The following CDH3 variants were observed in gnomAD, a reference collection of about 807,000 sequenced individuals.
CDH3 encodes the protein cadherin 3.
A neutral mutation model predicts 82.0 loss-of-function variants in CDH3; 54 were observed. That is an observed-to-expected ratio of 0.66 (90% confidence interval 0.53 to 0.83). CDH3 has a LOEUF of 0.83. CDH3 is among the 40% of genes least tolerant of loss of function. CDH3 has a pLI of 0.00. For missense variants in CDH3, 1,054 were observed against 1,084.6 expected, an observed-to-expected ratio of 0.97 and a Z score of 0.40; for synonymous variants, 446 against 437.9, an observed-to-expected ratio of 1.02 and a Z score of -0.23.
downstream of CDH3, among the ~76,000 whole-genome samples, chr16:68,729,126 G>A (rs994802583): frequency 6.6e-6 from 1 of 152,128 alleles, no homozygotes; most frequent in Non-Finnish European, 1.5e-5. Flanking sequence ...CCAACATGAT[G>A]AAACCCCGTC....
chr16:68,713,212 AT>A (rs1191166065), intron 1 of CDH3, among the ~76,000 whole-genome samples: 1 of 152,174 alleles, frequency 6.6e-6, no homozygotes, highest in Non-Finnish European at 1.5e-5. Context: ...AGGAAAAACA[AT>A]AAAATTAAGT....
At chr16:68,650,987 AGACAGGGAGACGATGT>A (rs1960226534) in intron 2 of CDH3, 2 of 265,950 alleles carry the variant, frequency 7.5e-6, no homozygotes, top group South Asian at 1.3e-4. Context: ...ACCAAAACCC[AGACAGGGAGACGATGT>A]GGGGAGAGAG....
downstream of CDH3, among the ~76,000 whole-genome samples, chr16:68,730,087 G>T (rs1962267791): frequency 4.0e-5 from 6 of 151,884 alleles, no homozygotes; most frequent in Admixed American, 3.9e-4. Flanking sequence ...ACAAAAATTA[G>T]CTGGGCTTGG....
At chr16:68,704,597 G>C (rs1359365061), downstream of CDH3, among the ~76,000 whole-genome samples, 2 of 152,266 alleles carry the variant, frequency 1.3e-5, no homozygotes, top group Admixed American at 1.3e-4. Flanking sequence ...GGGAGGGAGG[G>C]AGAGAGGAAG....
intron 2 of CDH3, among the ~76,000 whole-genome samples, chr16:68,667,446 A>C (rs1177916523): frequency 6.6e-6 from 1 of 152,208 alleles, no homozygotes. Flanking sequence ...GAGAGTGATC[A>C]CTTGATGGAC....
chr16:68,696,128 T>G (rs1961715375), intron 15 of CDH3: 1 of 647,204 alleles, frequency 1.5e-6, no homozygotes. Context: ...TGGTTAAAAA[T>G]GATTAGGAGG....
chr16:68,653,601 C>T (rs1029890626), intron 2 of CDH3, among the ~76,000 whole-genome samples: 4 of 152,050 alleles, frequency 2.6e-5, no homozygotes, highest in Admixed American at 1.3e-4. Context: ...GCTTCCCTTT[C>T]TTTGTCCTTA....
intron 2 of CDH3, among the ~76,000 whole-genome samples, chr16:68,660,275 C>T (rs1371483607): frequency 6.6e-6 from 1 of 152,178 alleles, no homozygotes; most frequent in Non-Finnish European, 1.5e-5. Context: ...TTCATACTAA[C>T]TTTTGTTTTA....
rs1427266643 is a variant in CDH3 at position 68,671,177 on chromosome 16, G to T, written c.161-5208G>T. Among the ~76,000 whole-genome samples the T allele has an allele frequency of 2.1e-5, 3 of 145,980 alleles. No homozygotes were observed. The Admixed American group carries it at 2.1e-4, about 10-fold the overall frequency. On this transcript the variant is annotated intron_variant, in intron 2 of 15. Coordinates refer to ENST00000264012, the MANE Select transcript of CDH3 (RefSeq NM_001793.6). The stretch of plus-strand genomic sequence containing the variant: ...GTACTTTTTTTTTTTTTTTTTAAGA[G>T]ACAGGGTCTAGCTATATTGGCCAGG...
At chr16:68,662,409 G>A (rs189815412) in intron 2 of CDH3, among the ~76,000 whole-genome samples, 9 of 152,270 alleles carry the variant, frequency 5.9e-5, no homozygotes, top group Admixed American at 1.3e-4. Flanking sequence ...AGTGCATGAT[G>A]ACTGCATTTG....
chr16:68,652,558 A>C (rs1428100284), intron 2 of CDH3, among the ~76,000 whole-genome samples: 1 of 152,216 alleles, frequency 6.6e-6, no homozygotes, highest in Non-Finnish European at 1.5e-5. Context: ...AACAGTCTCC[A>C]TTCAGAGACT....
intron 1 of CDH3, 45 bp from the exon 2 acceptor site, chr16:68,645,591 G>A: frequency 6.6e-7 from 1 of 1,504,926 alleles, no homozygotes; most frequent in Non-Finnish European, 9.0e-7. Context: ...GCAGGGCCGG[G>A]CACGCCTGGA....
chr16:68,645,945 G>C, intron 2 of CDH3, 195 bp downstream of exon 2: 2 of 594,010 alleles, frequency 3.4e-6, no homozygotes, highest in Non-Finnish European at 6.0e-6. Flanking sequence ...GAGCGCCTAT[G>C]ACATCCAGCC....
rs1961868626 is a variant in CDH3, at chr16:68,700,161, C to T, written c.*1761C>T. The T allele has an allele frequency of 6.6e-6, 1 of 152,192 alleles. No homozygotes were observed. The highest frequency in any genetic ancestry group is 2.4e-5 in the African/African-American group (1 of 41,448). 9.4% of individuals were successfully genotyped at this position (152,192 alleles called of 1,614,324 possible). On this transcript the variant is annotated 3_prime_UTR_variant, in exon 16 of 16. Coordinates refer to ENST00000264012, the MANE Select transcript of CDH3 (RefSeq NM_001793.6). ...CATAAATGCAGGAATCAGGAATAGGCAGCAGTGATAGAACAATTCTGTTTG... is the reference window on the plus strand; with the variant it reads ...CATAAATGCAGGAATCAGGAATAGGTAGCAGTGATAGAACAATTCTGTTTG...
intron 2 of CDH3, among the ~76,000 whole-genome samples, chr16:68,669,609 G>T (rs112922764): frequency 0.01 from 1,508 of 143,912 alleles, 20 homozygotes; most frequent in South Asian, 0.065. Context: ...AGCTCCTGGT[G>T]GGGTGGCGGG....
rs538999431 is a variant in CDH3, at chr16:68,698,800, A to C, written c.*400A>C. ...AATTTTTTTTTTTAATGCTATCTTCAAAACGTTAGAGAAAGTTCTTCAAAA... is the reference window on the plus strand; with the variant it reads ...AATTTTTTTTTTTAATGCTATCTTCCAAACGTTAGAGAAAGTTCTTCAAAA... On this transcript the variant is annotated 3_prime_UTR_variant, in exon 16 of 16. Transcript: ENST00000264012. 2 of 197,776 alleles carry C rather than the reference A, an allele frequency of 1.0e-5. No individual in the cohort carries two copies. Among genetic ancestry groups the C allele is most frequent in the Non-Finnish European group, 2.1e-5 (2 of 96,558 alleles). The allele number at this position is 197,776 out of a possible 1,614,324, so 12.3% of individuals were successfully genotyped here.
chr16:68,649,595 C>T (rs952752680), intron 2 of CDH3, among the ~76,000 whole-genome samples: 3 of 152,148 alleles, frequency 2.0e-5, no homozygotes, highest in East Asian at 1.9e-4. Flanking sequence ...GGTCCACAGT[C>T]GGTGTTTCAC....
chr16:68,703,368 G>T (rs147100905), downstream of CDH3, among the ~76,000 whole-genome samples: 1 of 152,192 alleles, frequency 6.6e-6, no homozygotes, highest in African/African-American at 2.4e-5. Flanking sequence ...GGACTGCTGG[G>T]GGGTGGCCAC....
chr16:68,682,427 G>T lies in CDH3; in HGVS notation c.1122G>T (p.Gly374=). 6.2e-7 allele frequency: 1 copy of T among 1,614,052 alleles called. No homozygotes were observed. Among genetic ancestry groups the T allele is most frequent in the Non-Finnish European group, 8.5e-7 (1 of 1,180,026 alleles). The stretch of plus-strand genomic sequence containing the variant: ...ACCTTATCATGGGCGGTGACGACGG[G>T]GACCATTTTACCATCACCACCCACC... ...ATYLIMGGDD[G]DHFTITTHPE... is the part of the protein sequence containing the mutation. Residue 374 remains glycine, a synonymous_variant, in exon 9 of 16, where the codon GGG becomes GGT. Coordinates refer to ENST00000264012, the MANE Select transcript of CDH3 (RefSeq NM_001793.6).
Sources: allele counts gnomAD v4.1 joint callset (sites outside exome capture counted in the v4.1 genomes callset), GRCh38; gene constraint gnomAD v4.1.1; transcripts MANE v1.5; gene names NCBI Gene and HGNC (gene_info 2026-07-23, HGNC 2026-07-21).